Variants in THSD7B observed in about 807,000 individuals in gnomAD.
The protein encoded by THSD7B is thrombospondin type-1 domain-containing protein 7B.
A neutral mutation model predicts 213.6 loss-of-function variants in THSD7B; 138 were observed. The ratio of observed to expected loss-of-function variants is 0.65; its 90% CI spans 0.56 to 0.74. THSD7B has a LOEUF of 0.74. THSD7B is among the 30% of genes least tolerant of loss of function. THSD7B has a pLI of 0.00. For missense variants in THSD7B, 1,931 were observed against 1,991.5 expected (o/e 0.97, Z 0.58); for synonymous variants, 742 against 687.0 (o/e 1.08, Z -1.25).
At chr2:137,373,674 T>G (rs1685586291) in intron 12 of THSD7B, among the ~76,000 whole-genome samples, 1 of 152,236 alleles carries the variant, frequency 6.6e-6, no homozygotes, top group African/African-American at 2.4e-5. Context: ...TGGTAGTTTC[T>G]TTTGCTGTGC....
intron 15 of THSD7B, among the ~76,000 whole-genome samples, chr2:137,517,136 G>T (rs1331697229): frequency 6.6e-6 from 1 of 152,324 alleles, no homozygotes; most frequent in South Asian, 2.1e-4. Context: ...TGTCCATAAG[G>T]CCAACCAGAA....
At position 136,994,880 on chromosome 2, in the gene THSD7B, C is replaced by T. The variant is rs59758641; in HGVS notation, c.140-61540C>T. 8.3e-3 allele frequency among the ~76,000 whole-genome samples: 1,269 copies of T among 152,204 alleles called. 24 individuals carry two copies. The highest frequency in any genetic ancestry group is 0.03 in the African/African-American group (1,233 of 41,536). On this transcript the variant is annotated intron_variant, in intron 2 of 27. Transcript: ENST00000409968. ...TACATTTTTCTAAAAGTAGGAAAATCGGCATTAACTTGCATTGCTGTGTGG... is the reference window on the plus strand; with the variant it reads ...TACATTTTTCTAAAAGTAGGAAAATTGGCATTAACTTGCATTGCTGTGTGG...
chr2:137,386,854 G>T (rs1354641790), intron 12 of THSD7B, among the ~76,000 whole-genome samples: 1 of 152,164 alleles, frequency 6.6e-6, no homozygotes, highest in Non-Finnish European at 1.5e-5. Flanking sequence ...TAAGAGGGCT[G>T]CCTGACTATC....
intron 10 of THSD7B, among the ~76,000 whole-genome samples, chr2:137,270,695 A>G (rs977847677): frequency 3.9e-5 from 6 of 152,172 alleles, no homozygotes; most frequent in African/African-American, 1.2e-4. Context: ...AGGGCTCCAC[A>G]GAGCCTTGGT....
At chr2:137,257,096 A>C (rs187316023) in intron 10 of THSD7B, among the ~76,000 whole-genome samples, 1 of 152,194 alleles carries the variant, frequency 6.6e-6, no homozygotes, top group Non-Finnish European at 1.5e-5. Flanking sequence ...CCGTAATCCC[A>C]TTAATCCATA....
intron 17 of THSD7B, among the ~76,000 whole-genome samples, chr2:137,614,973 T>C (rs1468562387): frequency 6.6e-6 from 1 of 152,204 alleles, no homozygotes; most frequent in Non-Finnish European, 1.5e-5. Context: ...GGTGATTTGA[T>C]GATCTTCATC....
At chr2:137,619,583 GA>G (rs528660399) in intron 19 of THSD7B, among the ~76,000 whole-genome samples, 21 of 151,734 alleles carry the variant, frequency 1.4e-4, no homozygotes, top group Admixed American at 7.9e-4. Context: ...CTGTTTCAGG[GA>G]AAAAAAATCA....
chr2:136,807,071 C>A (rs1210502230), intron 1 of THSD7B, among the ~76,000 whole-genome samples: 2 of 152,174 alleles, frequency 1.3e-5, no homozygotes, highest in African/African-American at 2.4e-5. Flanking sequence ...TTGATGTTAA[C>A]CTTTTACATT....
intron 2 of THSD7B, among the ~76,000 whole-genome samples, chr2:136,939,941 CAT>C (rs146139598): frequency 0.19 from 28,290 of 152,026 alleles, 2,772 homozygotes; most frequent in African/African-American, 0.24. Context: ...ACAGAGCTTT[CAT>C]TTTGTGTGCA....
At chr2:136,824,475 T>A (rs1384355915) in intron 1 of THSD7B, among the ~76,000 whole-genome samples, 1 of 152,106 alleles carries the variant, frequency 6.6e-6, no homozygotes, top group Non-Finnish European at 1.5e-5. Context: ...AGTTATCTTT[T>A]TAAAGGGCTG....
intron 10 of THSD7B, among the ~76,000 whole-genome samples, chr2:137,270,772 G>A (rs1348644400): frequency 2.0e-5 from 3 of 152,154 alleles, no homozygotes; most frequent in Non-Finnish European, 4.4e-5. Flanking sequence ...TAAGTAACCA[G>A]TAGAGGCATA....
At chr2:137,336,708 CACAA>C (rs1684645994) in intron 12 of THSD7B, among the ~76,000 whole-genome samples, 1 of 152,182 alleles carries the variant, frequency 6.6e-6, no homozygotes, top group East Asian at 1.9e-4. Context: ...AAGAGAATAC[CACAA>C]ACAGTGTTTG....
intron 14 of THSD7B, among the ~76,000 whole-genome samples, chr2:137,438,178 A>C (rs930874515): frequency 6.6e-6 from 1 of 152,138 alleles, no homozygotes; most frequent in Admixed American, 6.5e-5. Context: ...AAGATTGGAG[A>C]GGTTCAATGA....
chr2:137,539,259 G>A (rs1292628197), intron 15 of THSD7B, among the ~76,000 whole-genome samples: 34 of 151,546 alleles, frequency 2.2e-4, no homozygotes, highest in Non-Finnish European at 4.7e-4. Flanking sequence ...AAGTGAGTTT[G>A]TCACTCACAG....
At chr2:137,167,192 A>ATTAT (rs565152667) in intron 6 of THSD7B, among the ~76,000 whole-genome samples, 2,126 of 150,856 alleles carry the variant, frequency 0.014, 52 homozygotes, top group African/African-American at 0.044. Context: ...TTTTTATTTT[A>ATTAT]TTATTTATTT....
intron 12 of THSD7B, among the ~76,000 whole-genome samples, chr2:137,388,865 T>C (rs72847153): frequency 0.2 from 30,469 of 151,954 alleles, 3,381 homozygotes; most frequent in South Asian, 0.27. Flanking sequence ...TTTTTATGAG[T>C]GATCAGTATT....
Position 137,396,938 on chromosome 2 carries a change from T to C in THSD7B, c.2501-8675T>C, listed in dbSNP as rs180907356. 2.4e-3 allele frequency among the ~76,000 whole-genome samples: 340 copies of C among 143,228 alleles called. 11 individuals carry two copies. Among genetic ancestry groups the C allele is most frequent in the African/African-American group, 7.6e-3 (298 of 39,012 alleles). 94.0% of individuals were successfully genotyped at this position (143,228 alleles called of 152,430 possible). A position where few individuals can be genotyped will look rare whatever the true frequency, so the allele number is the denominator to read the frequency against. ...ATGTAATGGCCTTCTTTGTCTCTTT[T>C]GATCTTTGTTGGTTTTAAGTCTGTT... On this transcript the variant is annotated intron_variant, in intron 12 of 27. Transcript: ENST00000409968.
chr2:137,059,659 C>A (rs533792674), intron 3 of THSD7B, among the ~76,000 whole-genome samples: 2 of 151,712 alleles, frequency 1.3e-5, no homozygotes, highest in Non-Finnish European at 2.9e-5. Flanking sequence ...TGACTTATTT[C>A]ACTTTGCAAT....
intron 2 of THSD7B, chr2:136,990,822 T>C (rs1164542093): frequency 8.1e-7 from 1 of 1,237,666 alleles, no homozygotes; most frequent in East Asian, 5.6e-5. Flanking sequence ...CGATGGTGTT[T>C]CTTCTGAGTA....
Sources: allele counts gnomAD v4.1 joint callset (sites outside exome capture counted in the v4.1 genomes callset), GRCh38; gene constraint gnomAD v4.1.1; transcripts MANE v1.5; gene names NCBI Gene and HGNC (gene_info 2026-07-23, HGNC 2026-07-21).